The following TMCC1 variants were observed in gnomAD, a reference collection of about 807,000 sequenced individuals.
TMCC1 encodes the protein transmembrane and coiled-coil domains protein 1.
A neutral mutation model predicts 52.4 loss-of-function variants in TMCC1; 15 were observed. The observed-to-expected ratio is 0.29, with a 90% confidence interval of 0.19 to 0.44. The LOEUF (loss-of-function observed/expected upper bound fraction) is 0.44, where lower values mean the gene tolerates loss of function less well. Ranked by LOEUF, TMCC1 falls within the 20% of genes least tolerant of loss-of-function variation. The pLI is 1.00. For missense variants in TMCC1, 503 were observed against 806.0 expected (o/e 0.62, Z 4.55); for synonymous variants, 279 against 301.9 (o/e 0.92, Z 0.79).
At chr3:129,779,825 T>G (rs1193283443) in intron 4 of TMCC1, among the ~76,000 whole-genome samples, 1 of 152,156 alleles carries the variant, frequency 6.6e-6, no homozygotes, top group African/African-American at 2.4e-5. Context: ...TAAAGACTAT[T>G]TCTGGCTTCA....
chr3:129,854,464 C>T (rs540090663), intron 2 of TMCC1, among the ~76,000 whole-genome samples: 1 of 152,076 alleles, frequency 6.6e-6, no homozygotes, highest in Admixed American at 6.6e-5. Flanking sequence ...CTACTTACTC[C>T]TCTTAGTATA....
intron 5 of TMCC1, among the ~76,000 whole-genome samples, chr3:129,666,881 T>A (rs977956695): frequency 1.1e-4 from 17 of 150,770 alleles, no homozygotes; most frequent in African/African-American, 4.1e-4. Flanking sequence ...CAAGGCAACA[T>A]AGCAAGACCC....
At position 129,690,304 on chromosome 3, in the gene TMCC1, C is replaced by T. The variant is rs538239444; in HGVS notation, c.577-19040G>A. Reference sequence around the variant, plus strand: ...ATCTGATGTGGGCTTTTAAATATACCGAGCTACTAGATTGTGTGCAGTCTA... The same window carrying T: ...ATCTGATGTGGGCTTTTAAATATACTGAGCTACTAGATTGTGTGCAGTCTA... On this transcript the variant is annotated intron_variant, in intron 4 of 6. Coordinates refer to ENST00000393238, the MANE Select transcript of TMCC1 (RefSeq NM_001017395.5). Among the ~76,000 whole-genome samples, 7 of 151,832 alleles carry T rather than the reference C, an allele frequency of 4.6e-5. No individual in the cohort carries two copies. In the East Asian group the frequency reaches 9.7e-4, roughly 21 times the overall value.
chr3:129,886,576 A>G (rs1190914945), intron 1 of TMCC1, among the ~76,000 whole-genome samples: 1 of 152,196 alleles, frequency 6.6e-6, no homozygotes, highest in Non-Finnish European at 1.5e-5. Context: ...ATGCCATAAG[A>G]AAGGAATGAA....
chr3:129,669,016 C>G (rs1162053349), intron 5 of TMCC1, among the ~76,000 whole-genome samples: 1 of 152,202 alleles, frequency 6.6e-6, no homozygotes, highest in African/African-American at 2.4e-5. Flanking sequence ...ACTCACTTCT[C>G]TGGTCTTCTC....
chr3:129,782,067 G>A (rs1343400517), intron 4 of TMCC1, among the ~76,000 whole-genome samples: 1 of 152,116 alleles, frequency 6.6e-6, no homozygotes, highest in East Asian at 1.9e-4. Flanking sequence ...GATACCAAAA[G>A]CTTAGTTTTG....
chr3:129,648,243 T>C lies in TMCC1; in HGVS notation c.*3238A>G, dbSNP rs1174568914. 2.0e-5 allele frequency: 3 copies of C among 152,232 alleles called. No individual in the cohort carries two copies. Among genetic ancestry groups the C allele is most frequent in the Non-Finnish European group, 4.4e-5 (3 of 68,034 alleles). 9.4% of individuals were successfully genotyped at this position (152,232 alleles called of 1,614,324 possible). On this transcript the variant is annotated 3_prime_UTR_variant, in exon 7 of 7. Transcript: ENST00000393238. ...GGAACTCTCTCAGAACTCAGCATTT[T>C]CATCTGACTGTACCTCAAAGGAACA...
chr3:129,717,309 T>G (rs1034293640), intron 4 of TMCC1, among the ~76,000 whole-genome samples: 4 of 152,206 alleles, frequency 2.6e-5, no homozygotes, highest in African/African-American at 9.7e-5. Context: ...TCTGCAGCAT[T>G]TGACATACTT....
At chr3:129,719,201 TGATCAC>T (rs1434981480) in intron 4 of TMCC1, among the ~76,000 whole-genome samples, 4 of 152,154 alleles carry the variant, frequency 2.6e-5, no homozygotes, top group Admixed American at 2.6e-4. Context: ...GAAGGTTAAA[TGATCAC>T]CAATGGCAAG....
intron 4 of TMCC1, among the ~76,000 whole-genome samples, chr3:129,798,813 C>T (rs1028979134): frequency 6.6e-6 from 1 of 152,170 alleles, no homozygotes; most frequent in East Asian, 1.9e-4. Flanking sequence ...CTTTTAGTTA[C>T]TGTCTACATT....
chr3:129,801,715 G>A (rs895676693), intron 4 of TMCC1, among the ~76,000 whole-genome samples: 3 of 152,154 alleles, frequency 2.0e-5, no homozygotes, highest in Non-Finnish European at 2.9e-5. Flanking sequence ...GATTTCAGGC[G>A]TGAACCACCG....
At chr3:129,877,213 C>T (rs956624023) in intron 2 of TMCC1, among the ~76,000 whole-genome samples, 4 of 152,192 alleles carry the variant, frequency 2.6e-5, no homozygotes, top group Non-Finnish European at 5.9e-5. Context: ...ACTAAAACTA[C>T]CCTTTATCAA....
chr3:129,797,144 T>G (rs1388245306), intron 4 of TMCC1, among the ~76,000 whole-genome samples: 1 of 151,822 alleles, frequency 6.6e-6, no homozygotes, highest in Non-Finnish European at 1.5e-5. Context: ...GCTAACACGG[T>G]GTAAACCCCA....
At chr3:129,812,301 C>T (rs1241056437) in intron 4 of TMCC1, among the ~76,000 whole-genome samples, 1 of 117,602 alleles carries the variant, frequency 8.5e-6, no homozygotes, top group Admixed American at 1.2e-4. Flanking sequence ...CACGCCACTG[C>T]ACTCCAGCCT....
At chr3:129,825,638 C>T (rs1006244486) in intron 4 of TMCC1, among the ~76,000 whole-genome samples, 1 of 151,954 alleles carries the variant, frequency 6.6e-6, no homozygotes, top group Non-Finnish European at 1.5e-5. Flanking sequence ...ACAGTTGAAT[C>T]AACAACAGTT....
chr3:129,774,253 T>C (rs966149253), intron 4 of TMCC1, among the ~76,000 whole-genome samples: 4 of 152,192 alleles, frequency 2.6e-5, no homozygotes, highest in Non-Finnish European at 5.9e-5. Flanking sequence ...GAGAATAATA[T>C]TTAGGGCACT....
intron 4 of TMCC1, among the ~76,000 whole-genome samples, chr3:129,719,410 C>T (rs186996547): frequency 1.0e-3 from 154 of 152,256 alleles, no homozygotes; most frequent in African/African-American, 3.4e-3. Flanking sequence ...CCAGTATACA[C>T]GTTTTCTTGA....
At chr3:129,812,696 T>C (rs975125621) in intron 4 of TMCC1, among the ~76,000 whole-genome samples, 1 of 152,030 alleles carries the variant, frequency 6.6e-6, no homozygotes, top group African/African-American at 2.4e-5. Flanking sequence ...AAGACTTAAA[T>C]CTAAAATGAA....
chr3:129,653,763 T>A (rs570565559), intron 6 of TMCC1, among the ~76,000 whole-genome samples: 95 of 152,338 alleles, frequency 6.2e-4, no homozygotes, highest in African/African-American at 2.2e-3. Context: ...TGCTATTTTT[T>A]AACTTTATAT....
Sources: allele counts gnomAD v4.1 joint callset (sites outside exome capture counted in the v4.1 genomes callset), GRCh38; gene constraint gnomAD v4.1.1; transcripts MANE v1.5; gene names NCBI Gene and HGNC (gene_info 2026-07-23, HGNC 2026-07-21).